ATP13A4: variants seen among roughly 807,000 people sequenced by gnomAD.
ATP13A4 encodes the protein probable cation-transporting ATPase 13A4.
Under a neutral mutation model 142.5 loss-of-function variants are expected in ATP13A4, and 114 were observed. The ratio of observed to expected loss-of-function variants is 0.80; its 90% CI spans 0.69 to 0.93. The LOEUF (loss-of-function observed/expected upper bound fraction) is 0.93, where lower values mean the gene tolerates loss of function less well. Among genes scored for constraint, ATP13A4 ranks in the 40% least tolerant of loss-of-function variants. The pLI, the probability that ATP13A4 is intolerant of heterozygous loss-of-function variation, is 0.00. For missense variants in ATP13A4, 1,392 were observed against 1,454.0 expected (o/e 0.96, Z 0.69); for synonymous variants, 488 against 514.8 (o/e 0.95, Z 0.70).
chr3:193,560,604 T>C (rs563692799), intron 2 of ATP13A4, among the ~76,000 whole-genome samples: 28 of 152,318 alleles, frequency 1.8e-4, no homozygotes, highest in African/African-American at 6.3e-4. Flanking sequence ...TAGATTTCAA[T>C]AGAACTTTTC....
chr3:193,565,060 T>C (rs1724104975), intron 2 of ATP13A4, among the ~76,000 whole-genome samples: 1 of 152,186 alleles, frequency 6.6e-6, no homozygotes, highest in Non-Finnish European at 1.5e-5. Context: ...TATGTTGAGT[T>C]GTAGAATTAT....
chr3:193,551,269 C>G (rs1723546946), intron 1 of ATP13A4, among the ~76,000 whole-genome samples: 1 of 152,042 alleles, frequency 6.6e-6, no homozygotes, highest in Admixed American at 6.6e-5. Flanking sequence ...AAAAATTAGC[C>G]AGGCATGGTG....
At chr3:193,491,611 A>G (rs1174613706) in intron 5 of ATP13A4, among the ~76,000 whole-genome samples, 1 of 152,114 alleles carries the variant, frequency 6.6e-6, no homozygotes, top group Non-Finnish European at 1.5e-5. Flanking sequence ...TATTGCTTCT[A>G]GAAGCATACT....
intron 8 of ATP13A4, among the ~76,000 whole-genome samples, chr3:193,482,266 A>C (rs1345230490): frequency 6.6e-6 from 1 of 152,200 alleles, no homozygotes; most frequent in Non-Finnish European, 1.5e-5. Flanking sequence ...CTCAATCGAA[A>C]AAAAACAAAA....
chr3:193,550,527 A>T (rs994523164), intron 1 of ATP13A4, among the ~76,000 whole-genome samples: 10 of 152,042 alleles, frequency 6.6e-5, no homozygotes, highest in Non-Finnish European at 1.2e-4. Flanking sequence ...GCTGGTCTGG[A>T]ACTCCTGGGC....
intron 2 of ATP13A4, among the ~76,000 whole-genome samples, chr3:193,573,292 C>CGTATATATATATATTCTTAT (rs1553862256): frequency 9.3e-6 from 1 of 107,888 alleles, no homozygotes; most frequent in African/African-American, 4.6e-5. Context: ...TATATATACA[C>CGTATATATATATATTCTTAT]ATATATATAT....
intron 8 of ATP13A4, among the ~76,000 whole-genome samples, chr3:193,476,791 C>A (rs1718989166): frequency 6.6e-6 from 1 of 151,864 alleles, no homozygotes; most frequent in Admixed American, 6.6e-5. Context: ...GAGAGAGAGA[C>A]AGGAATGGCC....
intron 10 of ATP13A4, among the ~76,000 whole-genome samples, chr3:193,466,771 A>G (rs1267852009): frequency 6.8e-6 from 1 of 146,076 alleles, no homozygotes; most frequent in Non-Finnish European, 1.5e-5. Flanking sequence ...TATTGTGAAA[A>G]TAGTTTATAT....
chr3:193,481,074 T>C (rs1050411655), intron 8 of ATP13A4, among the ~76,000 whole-genome samples: 1 of 152,104 alleles, frequency 6.6e-6, no homozygotes, highest in Non-Finnish European at 1.5e-5. Flanking sequence ...AGCTAAGCTA[T>C]GAGGACACAA....
chr3:193,553,882 A>G (rs541990715), intron 1 of ATP13A4: 25 of 152,374 alleles, frequency 1.6e-4, no homozygotes, highest in African/African-American at 5.8e-4. Flanking sequence ...TGTTATTTAC[A>G]TATTAATTCC....
rs188434486 is a variant in ATP13A4, at chr3:193,480,145, G to C, written c.808+3791C>G. Among the ~76,000 whole-genome samples, 268 of 152,150 alleles carry C rather than the reference G, an allele frequency of 1.8e-3. 1 individual carries two copies. Among genetic ancestry groups the C allele is most frequent in the Non-Finnish European group, 2.6e-3 (177 of 67,964 alleles). The stretch of plus-strand genomic sequence containing the variant: ...GATCAAAGGCTTAAATCTAAGACTT[G>C]ATACCATAAAAATCCTAGAAGATAG... On this transcript the variant is annotated intron_variant, in intron 8 of 29. Coordinates refer to ENST00000342695, the MANE Select transcript of ATP13A4 (RefSeq NM_032279.4).
intron 11 of ATP13A4, 143 bp downstream of exon 11, chr3:193,465,882 C>A: frequency 1.1e-6 from 1 of 908,400 alleles, no homozygotes; most frequent in South Asian, 1.5e-5. Flanking sequence ...TGACTGGGAT[C>A]TGGAAGTCTA....
rs749947418 is a variant in ATP13A4 at position 193,442,546 on chromosome 3, A to G, written c.2163T>C (p.Leu721=). Residue 721 remains leucine, a synonymous_variant, in exon 19 of 30, where the codon CTT becomes CTC. Transcript: ENST00000342695. ...TTCTGGCCACTGTTATTGCAGTCTGAAGATTGTCACCTAGAGGAAAGGAGG... is the reference window on the plus strand; with the variant it reads ...TTCTGGCCACTGTTATTGCAGTCTGGAGATTGTCACCTAGAGGAAAGGAGG... ...IRTVMITGDN[L]QTAITVARKS... 1 of 1,613,716 alleles carries G rather than the reference A, an allele frequency of 6.2e-7. No individual in the cohort carries two copies. Among genetic ancestry groups the G allele is most frequent in the Non-Finnish European group, 8.5e-7 (1 of 1,179,686 alleles).
At chr3:193,501,541 C>T (rs1448456252) in intron 3 of ATP13A4, among the ~76,000 whole-genome samples, 1 of 148,744 alleles carries the variant, frequency 6.7e-6, no homozygotes, top group Non-Finnish European at 1.5e-5. Flanking sequence ...TGAGCCAAGA[C>T]AGCGCCATTG....
intron 7 of ATP13A4, among the ~76,000 whole-genome samples, chr3:193,485,463 C>T (rs748251336): frequency 6.3e-4 from 96 of 152,124 alleles, no homozygotes; most frequent in Non-Finnish European, 2.6e-4. Context: ...CTTTTAGCAT[C>T]TTATTCTCGC....
chr3:193,503,994 C>CGTGTGTGT lies in ATP13A4; in HGVS notation c.235-1356_235-1355insACACACAC, dbSNP rs1491532980. On this transcript the variant is annotated intron_variant, in intron 2 of 29. Coordinates refer to ENST00000342695, the MANE Select transcript of ATP13A4 (RefSeq NM_032279.4). Reference sequence around the variant, plus strand: ...CCAGGCTTAGCACAGGTTCTGTGTGCATGTGTGTGTGTGTGTGTGTGTGTG... The same window carrying CGTGTGTGT: ...CCAGGCTTAGCACAGGTTCTGTGTGCGTGTGTGTATGTGTGTGTGTGTGTGTGTGTGTG... Among the ~76,000 whole-genome samples, 43 of 108,130 alleles carry CGTGTGTGT rather than the reference C, an allele frequency of 4.0e-4. 1 individual carries two copies. Among genetic ancestry groups the CGTGTGTGT allele is most frequent in the African/African-American group, 1.4e-3 (37 of 26,868 alleles). 70.9% of individuals were successfully genotyped at this position (108,130 alleles called of 152,430 possible). A position where few individuals can be genotyped will look rare whatever the true frequency, so the allele number is the denominator to read the frequency against.
chr3:193,413,039 A>T (rs1287422652), intron 26 of ATP13A4, among the ~76,000 whole-genome samples: 3 of 152,164 alleles, frequency 2.0e-5, no homozygotes, highest in Non-Finnish European at 4.4e-5. Flanking sequence ...AGCAACAACG[A>T]CAACTGTTGC....
chr3:193,471,594 A>G (rs1269907842), intron 8 of ATP13A4, among the ~76,000 whole-genome samples: 1 of 151,946 alleles, frequency 6.6e-6, no homozygotes, highest in African/African-American at 2.4e-5. Flanking sequence ...AAAAAAAAAA[A>G]TCCTAATAGA....
chr3:193,561,312 C>A (rs147819107), intron 2 of ATP13A4, among the ~76,000 whole-genome samples: 5 of 152,330 alleles, frequency 3.3e-5, no homozygotes, highest in Non-Finnish European at 7.3e-5. Flanking sequence ...TGGGGAAAAT[C>A]AAGAACAGGT....
Sources: gnomAD v4.1 joint callset for allele counts (sites outside exome capture counted in the v4.1 genomes callset) on GRCh38, gnomAD v4.1.1 for gene constraint, MANE v1.5 for transcripts, NCBI Gene and HGNC (gene_info 2026-07-23, HGNC 2026-07-21) for gene names.